RHCG: variants seen among roughly 807,000 people sequenced by gnomAD.
RHCG encodes Rh family C glycoprotein.
In RHCG, 39 loss-of-function variants were observed where a neutral mutation model predicts 55.3. The ratio of observed to expected loss-of-function variants is 0.70; its 90% CI spans 0.55 to 0.92. The LOEUF (loss-of-function observed/expected upper bound fraction) is 0.92. RHCG is among the 40% of genes least tolerant of loss of function. The pLI is 0.00. For synonymous variants in RHCG, 250 were observed against 246.8 expected, an observed-to-expected ratio of 1.01 and a Z score of -0.12; for missense variants, 635 against 627.9, an observed-to-expected ratio of 1.01 and a Z score of -0.12.
At chr15:89,473,450 A>G (rs1346524428) in intron 9 of RHCG, among the ~76,000 whole-genome samples, 2 of 152,034 alleles carry the variant, frequency 1.3e-5, no homozygotes, top group African/African-American at 4.8e-5. Flanking sequence ...CCCAAGGTAA[A>G]CCACTCAGGG....
chr15:89,496,032 T>G (rs968130747), intron 1 of RHCG, among the ~76,000 whole-genome samples: 1 of 152,176 alleles, frequency 6.6e-6, no homozygotes, highest in African/African-American at 2.4e-5. Flanking sequence ...AGCCAGGTCA[T>G]CCACTGGTTG....
intron 1 of RHCG, among the ~76,000 whole-genome samples, chr15:89,494,207 A>G (rs531555099): frequency 6.6e-6 from 1 of 151,386 alleles, no homozygotes; most frequent in East Asian, 1.9e-4. Context: ...ACCATCCACC[A>G]CTTCCCAGGA....
At chr15:89,480,140 T>A (rs1961237138) in intron 4 of RHCG, 121 bp downstream of exon 4, 1 of 1,321,312 alleles carries the variant, frequency 7.6e-7, no homozygotes, top group Non-Finnish European at 1.1e-6. Context: ...CACGTGGGGA[T>A]CAGGTCTGAT....
At chr15:89,491,952 A>T (rs904682228) in intron 1 of RHCG, among the ~76,000 whole-genome samples, 6 of 152,206 alleles carry the variant, frequency 3.9e-5, no homozygotes, top group African/African-American at 1.4e-4. Flanking sequence ...GTAATGGTAT[A>T]ACGCAATCAA....
intron 2 of RHCG, chr15:89,486,478 A>T (rs950650914): frequency 6.4e-6 from 3 of 469,812 alleles, no homozygotes; most frequent in African/African-American, 4.0e-5. Context: ...TCGTAGGGGA[A>T]GGGAGACCCT....
chr15:89,483,569 C>G (rs1961307775), intron 2 of RHCG, among the ~76,000 whole-genome samples: 1 of 152,158 alleles, frequency 6.6e-6, no homozygotes, highest in Non-Finnish European at 1.5e-5. Flanking sequence ...CTTCTACCTG[C>G]TTTTCCAGAA....
At chr15:89,491,781 TA>T (rs5814390) in intron 1 of RHCG, among the ~76,000 whole-genome samples, 221 of 145,446 alleles carry the variant, frequency 1.5e-3, no homozygotes, top group African/African-American at 4.2e-3. Context: ...AAATAAAAAT[TA>T]AAAAAAAAAA....
chr15:89,490,235 G>A (rs1457215169), intron 1 of RHCG, among the ~76,000 whole-genome samples: 1 of 152,232 alleles, frequency 6.6e-6, no homozygotes, highest in Non-Finnish European at 1.5e-5. Flanking sequence ...GCCCTCATCT[G>A]TTTCCCTTCC....
At chr15:89,495,292 A>T (rs1434087416) in intron 1 of RHCG, among the ~76,000 whole-genome samples, 3 of 152,174 alleles carry the variant, frequency 2.0e-5, no homozygotes, top group Non-Finnish European at 4.4e-5. Flanking sequence ...GAAAGTGTGC[A>T]GTTGTTTTCT....
chr15:89,495,425 T>C (rs1961548710), intron 1 of RHCG, among the ~76,000 whole-genome samples: 1 of 152,168 alleles, frequency 6.6e-6, no homozygotes, highest in Non-Finnish European at 1.5e-5. Flanking sequence ...AATGACTACA[T>C]GAACACCACC....
At chr15:89,492,349 C>G (rs984146490) in intron 1 of RHCG, among the ~76,000 whole-genome samples, 1 of 152,228 alleles carries the variant, frequency 6.6e-6, no homozygotes, top group Non-Finnish European at 1.5e-5. Flanking sequence ...GCCTCTGCAG[C>G]CCTCCCCTCT....
chr15:89,487,022 G>A lies in RHCG; in HGVS notation c.185-37C>T, dbSNP rs377622009. ...GTGCAGCCCGGGACTCGGTGGTCTGGCGAAGGTTCGTCCCAGCCCTGGGTC... is the reference window on the plus strand; with the variant it reads ...GTGCAGCCCGGGACTCGGTGGTCTGACGAAGGTTCGTCCCAGCCCTGGGTC... On this transcript the variant is annotated intron_variant, in intron 1 of 10. Transcript: ENST00000268122. 2.6e-6 allele frequency: 4 copies of A among 1,514,082 alleles called. No individual in the cohort carries two copies. The African/African-American group carries it at 5.6e-5, about 21-fold the overall frequency. The allele number at this position is 1,514,082 out of a possible 1,614,324, so 93.8% of individuals were successfully genotyped here.
intron 9 of RHCG, among the ~76,000 whole-genome samples, chr15:89,476,148 C>G (rs1961146150): frequency 6.6e-6 from 1 of 151,832 alleles, no homozygotes; most frequent in Non-Finnish European, 1.5e-5. Context: ...CTCACTTTAG[C>G]CTCCACCTCC....
intron 1 of RHCG, 49 bp downstream of exon 1, chr15:89,496,312 G>A: frequency 6.2e-7 from 1 of 1,600,418 alleles, no homozygotes; most frequent in Non-Finnish European, 8.5e-7. Context: ...GGCCAGGTGG[G>A]GACCGGCGCG....
chr15:89,495,888 G>A (rs1056896866), intron 1 of RHCG, among the ~76,000 whole-genome samples: 7 of 152,226 alleles, frequency 4.6e-5, no homozygotes, highest in African/African-American at 1.4e-4. Context: ...AGAAGATTCA[G>A]GGGCGCTTGT....
At chr15:89,474,950 A>C (rs1430977736) in intron 9 of RHCG, among the ~76,000 whole-genome samples, 1,746 of 27,268 alleles carry the variant, frequency 0.064, no homozygotes, top group Non-Finnish European at 0.071. Context: ...TCCTGCCTTC[A>C]TTCATTCCTG....
intron 1 of RHCG, among the ~76,000 whole-genome samples, chr15:89,495,938 T>C (rs1036923555): frequency 3.3e-5 from 5 of 152,194 alleles, no homozygotes; most frequent in African/African-American, 1.2e-4. Context: ...TGTCCTGGCC[T>C]CCTGGCCCAC....
At chr15:89,493,823 G>A (rs975417401) in intron 1 of RHCG, among the ~76,000 whole-genome samples, 4 of 152,164 alleles carry the variant, frequency 2.6e-5, no homozygotes, top group Non-Finnish European at 5.9e-5. Flanking sequence ...ACCTTTGCAA[G>A]ACACTTCTCC....
intron 5 of RHCG, among the ~76,000 whole-genome samples, 159 bp from the exon 6 acceptor site, chr15:89,478,133 T>G (rs1313135774): frequency 2.0e-5 from 3 of 152,156 alleles, no homozygotes; most frequent in African/African-American, 7.2e-5. Flanking sequence ...TGCAGAGGAC[T>G]TCAGCCCCAC....
Sources: allele counts gnomAD v4.1 joint callset (sites outside exome capture counted in the v4.1 genomes callset), GRCh38; gene constraint gnomAD v4.1.1; transcripts MANE v1.5; gene names NCBI Gene and HGNC (gene_info 2026-07-23, HGNC 2026-07-21).